CHM: variants seen among roughly 807,000 people sequenced by gnomAD.
CHM encodes the protein CHM Rab escort protein.
In CHM, 10 loss-of-function variants were observed where a neutral mutation model predicts 49.0. The observed-to-expected ratio is 0.20, with a 90% CI of 0.13 to 0.35. The LOEUF (loss-of-function observed/expected upper bound fraction) is 0.35. Among genes scored for constraint, CHM ranks in the 10% least tolerant of loss-of-function variants. The pLI, the probability that CHM is intolerant of heterozygous loss-of-function variation, is 1.00. For synonymous variants in CHM, 184 were observed against 167.5 expected, an observed-to-expected ratio of 1.10 and a Z score of -0.76; for missense variants, 455 against 478.4, an observed-to-expected ratio of 0.95 and a Z score of 0.46.
intron 2 of CHM, among the ~76,000 whole-genome samples, chrX:86,003,603 T>C (rs997830735): frequency 1.8e-5 from 2 of 111,838 alleles, no homozygotes; most frequent in African/African-American, 3.3e-5. Flanking sequence ...ACACGAGAAC[T>C]TCATGACGCA....
intron 8 of CHM, among the ~76,000 whole-genome samples, chrX:85,954,352 G>A (rs1395224140): frequency 9.0e-6 from 1 of 111,706 alleles, no homozygotes; most frequent in Non-Finnish European, 1.9e-5. Flanking sequence ...CAACCACTGT[G>A]GAGAACAGTT....
chrX:86,018,038 C>A lies in CHM; in HGVS notation c.116+9453G>T, dbSNP rs776570244. 1.9e-4 allele frequency among the ~76,000 whole-genome samples: 21 copies of A among 111,942 alleles called. No homozygotes were observed. The South Asian group carries it at 7.7e-3, about 41-fold the overall frequency. Reference sequence around the variant, plus strand: ...CACATGAAGCCATATACTTCCAAACCATGAAGCAATTCTAAAAAATGCCAA... The same window carrying A: ...CACATGAAGCCATATACTTCCAAACAATGAAGCAATTCTAAAAAATGCCAA... On this transcript the variant is annotated intron_variant, in intron 2 of 14. Transcript: ENST00000357749.
At chrX:86,008,281 T>C (rs906997503) in intron 2 of CHM, among the ~76,000 whole-genome samples, 1 of 110,685 alleles carries the variant, frequency 9.0e-6, no homozygotes. Context: ...GGGGGAAGAA[T>C]AGCATTAGGA....
chrX:86,009,497 A>G lies in CHM; in HGVS notation c.116+17994T>C, dbSNP rs72633130. Among the ~76,000 whole-genome samples, 30 of 112,567 alleles carry G rather than the reference A, an allele frequency of 2.7e-4. No homozygotes were observed. The East Asian group carries it at 8.1e-3, about 30-fold the overall frequency. Reference sequence around the variant, plus strand: ...GGGAAAGCTTATGCTAGGGGAAGCCAGGAGAGAGCTTACAGTCGTCCTATA... The same window carrying G: ...GGGAAAGCTTATGCTAGGGGAAGCCGGGAGAGAGCTTACAGTCGTCCTATA... On this transcript the variant is annotated intron_variant, in intron 2 of 14. Transcript: ENST00000357749.
chrX:86,031,520 C>G (rs1182317412), intron 1 of CHM, among the ~76,000 whole-genome samples: 2 of 112,101 alleles, frequency 1.8e-5, no homozygotes, highest in Non-Finnish European at 3.8e-5. Context: ...TTGTATAAAA[C>G]TGGAGCTTTA....
intron 3 of CHM, among the ~76,000 whole-genome samples, chrX:85,981,499 G>A (rs1931610284): frequency 9.0e-6 from 1 of 110,549 alleles, no homozygotes; most frequent in African/African-American, 3.3e-5. Flanking sequence ...CTCCCAAAGC[G>A]CTGGAATTAC....
chrX:86,030,508 G>C (rs989693753), intron 1 of CHM, among the ~76,000 whole-genome samples: 13 of 111,907 alleles, frequency 1.2e-4, no homozygotes, highest in Non-Finnish European at 2.4e-4. Context: ...AAGGGGAGAG[G>C]AAGGGAGAGA....
intron 2 of CHM, among the ~76,000 whole-genome samples, chrX:85,994,638 A>C (rs1287692033): frequency 9.0e-6 from 1 of 111,621 alleles, no homozygotes; most frequent in Non-Finnish European, 1.9e-5. Flanking sequence ...TGTCAGAAAA[A>C]AGCTTAAAGC....
intron 2 of CHM, among the ~76,000 whole-genome samples, chrX:85,985,616 G>A (rs1217260128): frequency 8.9e-6 from 1 of 111,855 alleles, no homozygotes; most frequent in Non-Finnish European, 1.9e-5. Flanking sequence ...TCATGAGGCA[G>A]GACCTCCCAA....
At chrX:86,002,149 TA>T (rs1447091845) in intron 2 of CHM, among the ~76,000 whole-genome samples, 2 of 111,926 alleles carry the variant, frequency 1.8e-5, no homozygotes, top group Admixed American at 1.9e-4. Flanking sequence ...GTCCAGGACT[TA>T]AAAGAACAAA....
At position 85,963,851 on chromosome X, in the gene CHM, A is replaced by G. The variant is rs1930426979; in HGVS notation, c.516T>C (p.Ala172=). 1 of 1,211,389 alleles carries G rather than the reference A, an allele frequency of 8.3e-7. No homozygotes were observed. Among genetic ancestry groups the G allele is most frequent in the African/African-American group, 1.7e-5 (1 of 57,690 alleles). The change falls in exon 5 of 15, where the codon GCT becomes GCC. Residue 172 remains alanine, a synonymous_variant. Coordinates refer to ENST00000357749, the MANE Select transcript of CHM (RefSeq NM_000390.4). ...DPENALEVNG[A]EVTGEKENHC... is the part of the protein sequence containing the mutation. Reference sequence around the variant, plus strand: ...GGTTTTCTTTTTCCCCTGTCACTTCAGCACCATTTACTTCTAGCGCATTCT... The same window carrying G: ...GGTTTTCTTTTTCCCCTGTCACTTCGGCACCATTTACTTCTAGCGCATTCT...
chrX:85,892,947 T>C (rs1329165965), intron 12 of CHM, among the ~76,000 whole-genome samples: 1 of 111,766 alleles, frequency 8.9e-6, no homozygotes, highest in East Asian at 2.8e-4. Flanking sequence ...GTTAATGATA[T>C]TATGTCTCCC....
intron 2 of CHM, among the ~76,000 whole-genome samples, chrX:86,016,970 G>T (rs1933330251): frequency 8.9e-6 from 1 of 112,674 alleles, no homozygotes; most frequent in Non-Finnish European, 1.9e-5. Context: ...TTGCATCAGG[G>T]TGACCTGGAT....
chrX:85,987,586 G>GA (rs1402652950), intron 2 of CHM, among the ~76,000 whole-genome samples: 2 of 111,628 alleles, frequency 1.8e-5, no homozygotes, highest in Non-Finnish European at 3.8e-5. Flanking sequence ...TTGGCTTTTT[G>GA]AAAAAATTAA....
chrX:85,934,039 A>G (rs776296751), intron 8 of CHM, among the ~76,000 whole-genome samples: 24 of 105,394 alleles, frequency 2.3e-4, no homozygotes, highest in South Asian at 8.5e-4. Context: ...GGAGTGCAGT[A>G]GCGCAATCTC....
intron 2 of CHM, among the ~76,000 whole-genome samples, chrX:86,010,197 GGT>G (rs1933002429): frequency 1.3e-5 from 1 of 76,455 alleles, no homozygotes; most frequent in African/African-American, 4.9e-5. Flanking sequence ...GGGGTGGGGG[GGT>G]AGGGGGGTGG....
intron 9 of CHM, among the ~76,000 whole-genome samples, chrX:85,910,085 G>C (rs188307936): frequency 9.0e-6 from 1 of 111,449 alleles, no homozygotes; most frequent in East Asian, 2.8e-4. Flanking sequence ...TTTAAAATAC[G>C]TATCAATGTT....
intron 8 of CHM, among the ~76,000 whole-genome samples, chrX:85,922,741 A>G (rs1310599623): frequency 2.7e-5 from 3 of 111,952 alleles, no homozygotes; most frequent in Non-Finnish European, 5.6e-5. Flanking sequence ...TTCATAGGCA[A>G]TGACTCCTGC....
At chrX:85,867,241 T>G (rs1923758411) in intron 14 of CHM, among the ~76,000 whole-genome samples, 1 of 111,675 alleles carries the variant, frequency 9.0e-6, no homozygotes, top group African/African-American at 3.3e-5. Context: ...TCTCACAAGA[T>G]CTGATGGTTT....
Sources: allele counts gnomAD v4.1 joint callset (sites outside exome capture counted in the v4.1 genomes callset), GRCh38; gene constraint gnomAD v4.1.1; transcripts MANE v1.5; gene names NCBI Gene and HGNC (gene_info 2026-07-23, HGNC 2026-07-21).